The following SYT14 variants were observed in gnomAD, a reference collection of about 807,000 sequenced individuals.
SYT14 encodes synaptotagmin-14.
SYT14 carries 32 observed loss-of-function variants against 74.2 expected under a neutral mutation model. That is an observed-to-expected ratio of 0.43 (90% CI 0.33 to 0.58). SYT14 has a LOEUF of 0.58. Ranked by LOEUF, SYT14 falls within the 20% of genes least tolerant of loss-of-function variation. The probability of loss-of-function intolerance (pLI) is 0.05; values close to 1 mark genes in which losing one functional copy is unlikely to be tolerated. For missense variants in SYT14, 791 were observed against 981.8 expected (o/e 0.81, Z 2.60); for synonymous variants, 298 against 337.7 (o/e 0.88, Z 1.29).
At chr1:209,952,173 G>A (rs2078922305) in intron 1 of SYT14, among the ~76,000 whole-genome samples, 1 of 152,044 alleles carries the variant, frequency 6.6e-6, no homozygotes, top group Non-Finnish European at 1.5e-5. Flanking sequence ...CATTACGAAA[G>A]ACTCTTTCCA....
intron 2 of SYT14, among the ~76,000 whole-genome samples, chr1:209,993,967 G>A (rs2079740817): frequency 6.6e-6 from 1 of 152,086 alleles, no homozygotes; most frequent in African/African-American, 2.4e-5. Context: ...GATGTTGTAC[G>A]GAGCCCTAGT....
rs1000236615 is a variant in SYT14, at chr1:210,168,864, C to G, written c.*7822C>G. On this transcript the variant is annotated 3_prime_UTR_variant, in exon 10 of 10. Transcript: ENST00000637265. The stretch of plus-strand genomic sequence containing the variant: ...CCCCATTAGTGTTGATGGAAGTAAT[C>G]CATAAGCACCAATAGGAGAAAAGGC... 2.6e-5 allele frequency: 4 copies of G among 152,064 alleles called. No individual in the cohort carries two copies. In the South Asian group the frequency reaches 6.2e-4, roughly 24 times the overall value. The allele number at this position is 152,064 out of a possible 1,614,324, so 9.4% of individuals were successfully genotyped here.
At chr1:210,001,236 C>T (rs2079894264) in intron 2 of SYT14, among the ~76,000 whole-genome samples, 1 of 148,706 alleles carries the variant, frequency 6.7e-6, no homozygotes, top group African/African-American at 2.5e-5. Context: ...AAGTTACCTT[C>T]CAGCTCAAAT....
chr1:209,966,490 C>A (rs760482735), intron 2 of SYT14, among the ~76,000 whole-genome samples: 1 of 152,032 alleles, frequency 6.6e-6, no homozygotes, highest in Non-Finnish European at 1.5e-5. Flanking sequence ...GTGTATATTT[C>A]TATTTAGTTC....
At chr1:210,100,562 AT>A in intron 7 of SYT14, 101 bp downstream of exon 6, 8 of 1,146,346 alleles carry the variant, frequency 7.0e-6, no homozygotes, top group African/African-American at 1.5e-5. Flanking sequence ...TTGTCAGTCT[AT>A]TTTTTTACAT....
Position 210,036,547 on chromosome 1 carries a change from G to A in SYT14, c.1312+15293G>A, listed in dbSNP as rs140362871. On this transcript the variant is annotated intron_variant, in intron 5 of 9. Transcript: ENST00000637265. ...GGGAATGCTTTCTTTTACCTATTCA[G>A]TACGATGCTGGCTGTGAGTTCGTTG... 2.9e-3 allele frequency among the ~76,000 whole-genome samples: 442 copies of A among 152,056 alleles called. 2 individuals carry two copies. The highest frequency in any genetic ancestry group is 9.8e-3 in the African/African-American group (407 of 41,508).
At chr1:209,962,394 T>C (rs918618384) in intron 2 of SYT14, among the ~76,000 whole-genome samples, 7 of 151,978 alleles carry the variant, frequency 4.6e-5, no homozygotes, top group African/African-American at 1.7e-4. Flanking sequence ...TTTTTCTTCT[T>C]TAACCTGGCT....
chr1:210,003,402 G>A (rs1366512941), intron 2 of SYT14, among the ~76,000 whole-genome samples: 1 of 151,984 alleles, frequency 6.6e-6, no homozygotes. Context: ...AGCTTTTCAG[G>A]TACTCTAATA....
chr1:210,148,984 A>G (rs1294800455), intron 7 of SYT14, among the ~76,000 whole-genome samples: 1 of 152,178 alleles, frequency 6.6e-6, no homozygotes, highest in Non-Finnish European at 1.5e-5. Flanking sequence ...ACATATGCCT[A>G]TATTTATACA....
At chr1:210,030,734 T>A (rs1443113073) in intron 5 of SYT14, among the ~76,000 whole-genome samples, 1 of 152,130 alleles carries the variant, frequency 6.6e-6, no homozygotes, top group African/African-American at 2.4e-5. Context: ...TAGGAAAGCA[T>A]GTCAACTTTC....
At chr1:209,949,783 G>T (rs192234365) in intron 1 of SYT14, among the ~76,000 whole-genome samples, 1 of 152,134 alleles carries the variant, frequency 6.6e-6, no homozygotes, top group African/African-American at 2.4e-5. Flanking sequence ...TTATTCGTTG[G>T]TTAGAATTTG....
chr1:210,084,249 A>C (rs1476833953), intron 5 of SYT14, among the ~76,000 whole-genome samples: 2 of 152,242 alleles, frequency 1.3e-5, no homozygotes, highest in South Asian at 2.1e-4. Flanking sequence ...GATAAGAGCT[A>C]TATATTAAAA....
At chr1:210,066,769 C>G (rs1431384581) in intron 5 of SYT14, among the ~76,000 whole-genome samples, 1 of 152,006 alleles carries the variant, frequency 6.6e-6, no homozygotes, top group African/African-American at 2.4e-5. Context: ...GTAGGTATGT[C>G]TTTATTAGCA....
intron 5 of SYT14, among the ~76,000 whole-genome samples, chr1:210,059,451 T>TATATATAGAGAGAGAG (rs377050610): frequency 2.0e-3 from 143 of 69,886 alleles, no homozygotes; most frequent in African/African-American, 4.1e-3. Flanking sequence ...TATATATATA[T>TATATATAGAGAGAGAG]AGAGAGAGAG....
chr1:210,048,183 T>C (rs1221241964), intron 5 of SYT14, among the ~76,000 whole-genome samples: 1 of 152,230 alleles, frequency 6.6e-6, no homozygotes, highest in Non-Finnish European at 1.5e-5. Flanking sequence ...TCTTTTTCTA[T>C]TCAGTGTTAT....
intron 7 of SYT14, among the ~76,000 whole-genome samples, chr1:210,124,187 T>A (rs1173349510): frequency 1.3e-5 from 2 of 149,012 alleles, no homozygotes; most frequent in African/African-American, 5.2e-5. Flanking sequence ...CCAAAAAATT[T>A]ACTATCTGGC....
intron 2 of SYT14, among the ~76,000 whole-genome samples, chr1:209,986,694 G>T (rs1000298559): frequency 6.6e-6 from 1 of 151,668 alleles, no homozygotes; most frequent in Admixed American, 6.6e-5. Context: ...TCACTCTGTC[G>T]CCCAGTGCAA....
chr1:209,963,071 A>G (rs1451416299), intron 2 of SYT14, among the ~76,000 whole-genome samples: 1 of 152,190 alleles, frequency 6.6e-6, no homozygotes, highest in African/African-American at 2.4e-5. Flanking sequence ...TTGAAATGGA[A>G]CAGAAGTTCA....
intron 7 of SYT14, among the ~76,000 whole-genome samples, chr1:210,131,499 A>G (rs1305549859): frequency 3.3e-5 from 5 of 151,832 alleles, no homozygotes; most frequent in Non-Finnish European, 7.4e-5. Context: ...ACTTTTTCGT[A>G]GAGGCAAGAC....
Sources: gnomAD v4.1 joint callset for allele counts (sites outside exome capture counted in the v4.1 genomes callset) on GRCh38, gnomAD v4.1.1 for gene constraint, MANE v1.5 for transcripts, NCBI Gene and HGNC (gene_info 2026-07-23, HGNC 2026-07-21) for gene names.